Variants in PIGK observed in about 807,000 individuals in gnomAD.
PIGK encodes phosphatidylinositol glycan anchor biosynthesis class K, also known as GPI-anchor transamidase.
In PIGK, 42 loss-of-function variants were observed where a neutral mutation model predicts 50.6. The ratio of observed to expected loss-of-function variants is 0.83; its 90% confidence interval spans 0.65 to 1.07. The LOEUF is 1.07. Ranked by LOEUF, PIGK falls within the 50% of genes least tolerant of loss-of-function variation. The pLI is 0.00. For missense variants in PIGK, 448 were observed against 488.7 expected (o/e 0.92, Z 0.78); for synonymous variants, 151 against 156.0 (o/e 0.97, Z 0.24).
At chr1:77,127,641 T>A (rs912842852) in intron 9 of PIGK, among the ~76,000 whole-genome samples, 2 of 152,162 alleles carry the variant, frequency 1.3e-5, no homozygotes, top group Admixed American at 1.3e-4. Context: ...AGAGACACTG[T>A]GCTATGCTAG....
intron 10 of PIGK, among the ~76,000 whole-genome samples, chr1:77,106,695 G>A (rs1653686530): frequency 2.0e-5 from 3 of 151,770 alleles, no homozygotes; most frequent in Admixed American, 1.3e-4. Context: ...AAGACAGCAC[G>A]CTAATGTTTA....
At chr1:77,127,570 T>C (rs780127907) in intron 9 of PIGK, among the ~76,000 whole-genome samples, 19 of 152,192 alleles carry the variant, frequency 1.2e-4, no homozygotes, top group South Asian at 6.2e-4. Flanking sequence ...TTATTTCAGG[T>C]AGAAGGCCAA....
intron 9 of PIGK, among the ~76,000 whole-genome samples, chr1:77,138,696 A>G (rs928916504): frequency 3.3e-5 from 5 of 152,222 alleles, no homozygotes; most frequent in African/African-American, 1.2e-4. Context: ...TCACGGGATT[A>G]GCTTGCTTTC....
intron 9 of PIGK, among the ~76,000 whole-genome samples, chr1:77,127,975 T>C (rs1654268420): frequency 6.6e-6 from 1 of 152,092 alleles, no homozygotes; most frequent in Non-Finnish European, 1.5e-5. Flanking sequence ...AACCTGAAAA[T>C]TTAAAGACAC....
At chr1:77,184,278 C>T (rs755889583) in intron 3 of PIGK, among the ~76,000 whole-genome samples, 16 of 152,090 alleles carry the variant, frequency 1.1e-4, no homozygotes, top group South Asian at 8.3e-4. Flanking sequence ...CAGAAAACTT[C>T]GAGGTCAAAT....
At chr1:77,185,965 C>T (rs766705871) in intron 3 of PIGK, among the ~76,000 whole-genome samples, 39 of 150,936 alleles carry the variant, frequency 2.6e-4, no homozygotes, top group Non-Finnish European at 5.0e-4. Flanking sequence ...AGTCACCATG[C>T]GACCTGAACC....
chr1:77,137,247 G>T (rs1022372456), intron 9 of PIGK, among the ~76,000 whole-genome samples: 6 of 152,170 alleles, frequency 3.9e-5, no homozygotes, highest in African/African-American at 1.4e-4. Context: ...AAAATCAGAA[G>T]TCACTCACTC....
intron 10 of PIGK, among the ~76,000 whole-genome samples, chr1:77,097,467 C>A (rs946148186): frequency 6.6e-6 from 1 of 152,126 alleles, no homozygotes; most frequent in African/African-American, 2.4e-5. Flanking sequence ...TACCCAAGAT[C>A]TTTATGTACC....
intron 9 of PIGK, among the ~76,000 whole-genome samples, chr1:77,152,656 C>CA (rs1400874453): frequency 3.3e-5 from 5 of 149,536 alleles, no homozygotes; most frequent in East Asian, 1.9e-4. Context: ...AACTCAATGG[C>CA]AAAAAACAAA....
At chr1:77,213,997 C>A (rs1051155202) in intron 1 of PIGK, among the ~76,000 whole-genome samples, 5 of 152,052 alleles carry the variant, frequency 3.3e-5, no homozygotes, top group Non-Finnish European at 7.4e-5. Context: ...GAAAGAGAAA[C>A]CTGAATGGAC....
At chr1:77,142,171 T>C (rs1467531301) in intron 9 of PIGK, among the ~76,000 whole-genome samples, 1 of 152,192 alleles carries the variant, frequency 6.6e-6, no homozygotes, top group Non-Finnish European at 1.5e-5. Flanking sequence ...CACTGGTAAG[T>C]ATGGGAAAGT....
intron 10 of PIGK, among the ~76,000 whole-genome samples, chr1:77,118,497 C>A (rs1654027191): frequency 6.6e-6 from 1 of 152,194 alleles, no homozygotes; most frequent in African/African-American, 2.4e-5. Flanking sequence ...AACATTTTTA[C>A]AAAGTCAAAT....
intron 3 of PIGK, among the ~76,000 whole-genome samples, chr1:77,171,271 C>T (rs1195584998): frequency 6.6e-6 from 1 of 150,824 alleles, no homozygotes; most frequent in Non-Finnish European, 1.5e-5. Flanking sequence ...CCTGTCTCTA[C>T]TAAAAATACA....
rs573701383 is a variant in PIGK at position 77,113,403 on chromosome 1, A to G, written c.1071+8872T>C. Among the ~76,000 whole-genome samples, 3 of 152,154 alleles carry G rather than the reference A, an allele frequency of 2.0e-5. No homozygotes were observed. In the East Asian group the frequency reaches 5.8e-4, roughly 29 times the overall value. On this transcript the variant is annotated intron_variant, in intron 10 of 10. Coordinates refer to ENST00000370812, the MANE Select transcript of PIGK (RefSeq NM_005482.3). ...CCCTAAATTACTATGACTTGTGAAG[A>G]TGTGTATCTGTCTAGTTGTTTTTAA...
At chr1:77,205,843 G>A (rs72683937) in intron 3 of PIGK, among the ~76,000 whole-genome samples, 6,345 of 152,160 alleles carry the variant, frequency 0.042, 231 homozygotes, top group South Asian at 0.21. Context: ...TGGGGATACC[G>A]CCTATTACCT....
chr1:77,165,479 C>G (rs769586199), intron 5 of PIGK, among the ~76,000 whole-genome samples: 20 of 151,796 alleles, frequency 1.3e-4, no homozygotes, highest in African/African-American at 4.8e-4. Flanking sequence ...CATGTGATAT[C>G]TAAGAATCAT....
chr1:77,144,130 G>C (rs756003980), intron 9 of PIGK, among the ~76,000 whole-genome samples: 4 of 151,904 alleles, frequency 2.6e-5, no homozygotes, highest in Non-Finnish European at 5.9e-5. Context: ...CAATGACTTT[G>C]CTTTTATTAT....
chr1:77,187,889 T>C (rs1385458275), intron 3 of PIGK, among the ~76,000 whole-genome samples: 1 of 152,230 alleles, frequency 6.6e-6, no homozygotes, highest in Non-Finnish European at 1.5e-5. Flanking sequence ...ATTAATACTT[T>C]TATAATTTCT....
chr1:77,154,783 A>G (rs2100551625), intron 8 of PIGK, among the ~76,000 whole-genome samples, 162 bp from the exon 9 acceptor site: 1 of 152,320 alleles, frequency 6.6e-6, no homozygotes, highest in East Asian at 1.9e-4. Flanking sequence ...CATTCCTATC[A>G]TAATGCTTGG....
Sources: gnomAD v4.1 joint callset for allele counts (sites outside exome capture counted in the v4.1 genomes callset) on GRCh38, gnomAD v4.1.1 for gene constraint, MANE v1.5 for transcripts, NCBI Gene and HGNC (gene_info 2026-07-23, HGNC 2026-07-21) for gene names.